Variants in CNTN5 observed in about 807,000 individuals in gnomAD.
CNTN5 encodes the protein contactin-5.
CNTN5 carries 77 observed loss-of-function variants against 129.1 expected under a neutral mutation model. The observed-to-expected ratio is 0.60, with a 90% CI of 0.50 to 0.72. The LOEUF (loss-of-function observed/expected upper bound fraction) is 0.72. CNTN5 is among the 30% of genes least tolerant of loss of function. The probability of loss-of-function intolerance (pLI) is 0.00; values close to 1 mark genes in which losing one functional copy is unlikely to be tolerated. For synonymous variants in CNTN5, 509 were observed against 465.6 expected (o/e 1.09, Z -1.20); for missense variants, 1,478 against 1,328.8 (o/e 1.11, Z -1.75).
chr11:99,063,390 G>A (rs1160544740), intron 1 of CNTN5, among the ~76,000 whole-genome samples: 1 of 151,944 alleles, frequency 6.6e-6, no homozygotes, highest in Non-Finnish European at 1.5e-5. Context: ...TACAGTTCAA[G>A]TAACAAAATT....
intron 3 of CNTN5, among the ~76,000 whole-genome samples, chr11:99,794,124 A>C (rs1476583287): frequency 6.6e-6 from 1 of 150,710 alleles, no homozygotes; most frequent in Admixed American, 6.6e-5. Flanking sequence ...TATTTAGGAT[A>C]GATAGGTCTT....
chr11:99,353,808 T>C (rs990996015), intron 2 of CNTN5, among the ~76,000 whole-genome samples: 1 of 152,182 alleles, frequency 6.6e-6, no homozygotes, highest in East Asian at 1.9e-4. Context: ...ATTACCCACA[T>C]CATAGCTGTG....
chr11:99,723,385 C>G (rs993825856), intron 3 of CNTN5, among the ~76,000 whole-genome samples: 1 of 152,094 alleles, frequency 6.6e-6, no homozygotes. Flanking sequence ...GGCAAGCACA[C>G]TATATTCCCC....
Position 99,235,009 on chromosome 11 carries a change from G to C in CNTN5, c.-209-90337G>C, listed in dbSNP as rs190837056. On this transcript the variant is annotated intron_variant, in intron 1 of 24. Transcript: ENST00000524871. Reference sequence around the variant, plus strand: ...AATGGCTAATGACTGTTTGAGGCAGGCCTTTTTATAACACAAAGGAGGAAA... The same window carrying C: ...AATGGCTAATGACTGTTTGAGGCAGCCCTTTTTATAACACAAAGGAGGAAA... Among the ~76,000 whole-genome samples the C allele has an allele frequency of 4.5e-3, 672 of 150,996 alleles. 17 individuals are homozygous for C. Among genetic ancestry groups the C allele is most frequent in the Admixed American group, 0.029 (444 of 15,092 alleles).
At chr11:99,800,702 T>A (rs1279840255) in intron 3 of CNTN5, among the ~76,000 whole-genome samples, 1 of 152,196 alleles carries the variant, frequency 6.6e-6, no homozygotes, top group Non-Finnish European at 1.5e-5. Context: ...TCCCTTTTTT[T>A]ACTGCTGTTG....
chr11:99,497,630 T>C (rs1331221841), intron 2 of CNTN5, among the ~76,000 whole-genome samples: 1 of 152,192 alleles, frequency 6.6e-6, no homozygotes, highest in Non-Finnish European at 1.5e-5. Context: ...GACATACATG[T>C]AGCTCAACTC....
intron 1 of CNTN5, among the ~76,000 whole-genome samples, chr11:99,063,170 A>G (rs1328573861): frequency 6.6e-6 from 1 of 152,094 alleles, no homozygotes; most frequent in African/African-American, 2.4e-5. Flanking sequence ...TGAAAACTGA[A>G]AATTTATCAC....
chr11:99,694,203 G>C (rs1013010085), intron 3 of CNTN5, among the ~76,000 whole-genome samples: 1 of 151,932 alleles, frequency 6.6e-6, no homozygotes, highest in African/African-American at 2.4e-5. Flanking sequence ...CAAAGACTTA[G>C]AGTTCGTGCT....
chr11:99,276,831 T>C (rs1863459349), intron 1 of CNTN5, among the ~76,000 whole-genome samples: 1 of 151,578 alleles, frequency 6.6e-6, no homozygotes, highest in Non-Finnish European at 1.5e-5. Context: ...AGTCATTCTA[T>C]CACTGTGAAA....
chr11:100,232,514 C>A (rs1377874871), intron 16 of CNTN5, among the ~76,000 whole-genome samples: 1 of 152,114 alleles, frequency 6.6e-6, no homozygotes, highest in Non-Finnish European at 1.5e-5. Flanking sequence ...GAGATGCAAG[C>A]AATTATGTGT....
intron 2 of CNTN5, among the ~76,000 whole-genome samples, chr11:99,375,769 G>A (rs1940143947): frequency 6.6e-6 from 1 of 152,092 alleles, no homozygotes; most frequent in Non-Finnish European, 1.5e-5. Flanking sequence ...TTCCATGTTG[G>A]TGAAGTCAGA....
intron 8 of CNTN5, among the ~76,000 whole-genome samples, chr11:99,976,482 T>A (rs1169668899): frequency 6.6e-6 from 1 of 152,180 alleles, no homozygotes; most frequent in East Asian, 1.9e-4. Context: ...GACATCTGCT[T>A]GGACTTCCAG....
chr11:99,634,907 A>G (rs150840467), intron 3 of CNTN5, among the ~76,000 whole-genome samples: 1 of 152,306 alleles, frequency 6.6e-6, no homozygotes, highest in African/African-American at 2.4e-5. Flanking sequence ...CTAGCAAGAG[A>G]CAGATATGGA....
chr11:99,577,139 G>A (rs2135595099), intron 3 of CNTN5, among the ~76,000 whole-genome samples: 1 of 152,236 alleles, frequency 6.6e-6, no homozygotes, highest in East Asian at 1.9e-4. Context: ...GAAAAGACAG[G>A]GCTTAAGAGG....
At chr11:100,017,792 A>C (rs779721902) in intron 9 of CNTN5, among the ~76,000 whole-genome samples, 35 of 151,714 alleles carry the variant, frequency 2.3e-4, no homozygotes, top group Non-Finnish European at 3.5e-4. Context: ...ACACACAAAC[A>C]CTTTTTGGAA....
At chr11:99,071,607 A>C (rs1386479940) in intron 1 of CNTN5, among the ~76,000 whole-genome samples, 1 of 152,132 alleles carries the variant, frequency 6.6e-6, no homozygotes, top group African/African-American at 2.4e-5. Context: ...GCATCAGAAA[A>C]TTTTAAAGTC....
intron 3 of CNTN5, among the ~76,000 whole-genome samples, chr11:99,711,953 T>C (rs1382849713): frequency 6.6e-6 from 1 of 152,090 alleles, no homozygotes; most frequent in East Asian, 1.9e-4. Flanking sequence ...TGTGTGCATG[T>C]GTCTTTATGG....
chr11:99,242,380 A>G (rs1225411838), intron 1 of CNTN5, among the ~76,000 whole-genome samples: 1 of 152,166 alleles, frequency 6.6e-6, no homozygotes, highest in Non-Finnish European at 1.5e-5. Context: ...AAGTCATGTT[A>G]AAGTATTTAC....
intron 3 of CNTN5, among the ~76,000 whole-genome samples, chr11:99,806,599 G>A (rs1038602832): frequency 6.6e-6 from 1 of 152,000 alleles, no homozygotes; most frequent in African/African-American, 2.4e-5. Flanking sequence ...ATGAGGTCAG[G>A]AGTTCAAGAC....
Sources: allele counts gnomAD v4.1 joint callset (sites outside exome capture counted in the v4.1 genomes callset), GRCh38; gene constraint gnomAD v4.1.1; transcripts MANE v1.5; gene names NCBI Gene and HGNC (gene_info 2026-07-23, HGNC 2026-07-21).